GPBP1L1: variants seen among roughly 807,000 people sequenced by gnomAD.
GPBP1L1 encodes the protein GC-rich promoter binding protein 1 like 1.
In GPBP1L1, 23 loss-of-function variants were observed where a neutral mutation model predicts 52.5. That is an observed-to-expected ratio of 0.44 (90% confidence interval 0.32 to 0.62). GPBP1L1 has a LOEUF of 0.62. GPBP1L1 is among the 20% of genes least tolerant of loss of function. The pLI, the probability that GPBP1L1 is intolerant of heterozygous loss-of-function variation, is 0.06. For missense variants in GPBP1L1, 596 were observed against 579.3 expected (o/e 1.03, Z -0.30); for synonymous variants, 243 against 203.1 (o/e 1.20, Z -1.67).
At chr1:45,636,291 T>C (rs1339587237) in intron 8 of GPBP1L1, among the ~76,000 whole-genome samples, 1 of 152,234 alleles carries the variant, frequency 6.6e-6, no homozygotes, top group East Asian at 1.9e-4. Context: ...TCAATGGATG[T>C]AAGTATACTA....
rs565927029 is a variant in GPBP1L1, at chr1:45,629,956, T to C, written c.1170-278A>G. On this transcript the variant is annotated intron_variant, in intron 11 of 12. Transcript: ENST00000355105. ...GAAAGAGAGCACTTGCAGTCTGGCTTTTTTTTTTTTTTGGGATGGAGTCTC... is the reference window on the plus strand; with the variant it reads ...GAAAGAGAGCACTTGCAGTCTGGCTCTTTTTTTTTTTTGGGATGGAGTCTC... Among the ~76,000 whole-genome samples, 3 of 147,170 alleles carry C rather than the reference T, an allele frequency of 2.0e-5. No individual in the cohort carries two copies. In the South Asian group the frequency reaches 6.4e-4, roughly 31 times the overall value.
At chr1:45,630,686 C>G in intron 10 of GPBP1L1, 80 bp from the exon 11 acceptor site, 2 of 1,501,128 alleles carry the variant, frequency 1.3e-6, no homozygotes, top group Non-Finnish European at 1.8e-6. Flanking sequence ...ATCAAGGACT[C>G]ACGACCCAGG....
At chr1:45,629,093 C>G (rs1352580612) in intron 12 of GPBP1L1, among the ~76,000 whole-genome samples, 1 of 152,108 alleles carries the variant, frequency 6.6e-6, no homozygotes, top group East Asian at 1.9e-4. Flanking sequence ...TTATAGAAAC[C>G]CCATTTGTCT....
chr1:45,660,306 C>T lies in GPBP1L1; in HGVS notation c.-178G>A. On this transcript the variant is annotated 5_prime_UTR_variant, in exon 3 of 13. Transcript: ENST00000355105. ...GCCGGCAGCACGACTTATGATGAAG[C>T]ACGAAGAAGCCAGGTTCTGTGTCGA... is the stretch of plus-strand genomic sequence containing the variant. 11 of 985,344 alleles carry T rather than the reference C, an allele frequency of 1.1e-5. No individual in the cohort carries two copies. The highest frequency in any genetic ancestry group is 1.3e-5 in the Non-Finnish European group (11 of 829,930). 61.0% of individuals were successfully genotyped at this position (985,344 alleles called of 1,614,324 possible). A position where few individuals can be genotyped will look rare whatever the true frequency, so the allele number is the denominator to read the frequency against.
At chr1:45,670,019 T>A (rs1015542711) in intron 2 of GPBP1L1, among the ~76,000 whole-genome samples, 1 of 152,252 alleles carries the variant, frequency 6.6e-6, no homozygotes, top group Admixed American at 6.5e-5. Context: ...AGTGTATTAA[T>A]AAATGCTTTG....
intron 8 of GPBP1L1, among the ~76,000 whole-genome samples, chr1:45,637,206 A>G (rs571913578): frequency 1.3e-5 from 2 of 152,304 alleles, no homozygotes; most frequent in African/African-American, 4.8e-5. Flanking sequence ...TTGTGTCTCT[A>G]GTGACACAGT....
intron 1 of GPBP1L1, 61 bp from the exon 2 acceptor site, chr1:45,685,681 A>T (rs982054514): frequency 1.3e-5 from 2 of 152,254 alleles, no homozygotes; most frequent in Non-Finnish European, 2.9e-5. Context: ...AAGGACTAAA[A>T]TCTTTAAACG....
chr1:45,667,764 C>CT (rs2148496658), intron 2 of GPBP1L1, among the ~76,000 whole-genome samples: 1 of 152,318 alleles, frequency 6.6e-6, no homozygotes, highest in African/African-American at 2.4e-5. Context: ...CTCTCCAGTT[C>CT]TTTGAGACAG....
In GPBP1L1 at chr1:45,643,658, C is replaced by CTTTTTTTTTTTTTT. The variant is rs113388167; in HGVS notation, c.478-1173_478-1160dup. On this transcript the variant is annotated intron_variant, in intron 6 of 12. Transcript: ENST00000355105. ...ATCTGGTAACAGGGTAGGAGAATGG[C>CTTTTTTTTTTTTTT]TTTTTTTTTTTTTTTTTTTTTTTTT... Among the ~76,000 whole-genome samples, 5 of 65,112 alleles carry CTTTTTTTTTTTTTT rather than the reference C, an allele frequency of 7.7e-5. 1 individual carries two copies. The highest frequency in any genetic ancestry group is 3.2e-4 in the African/African-American group (5 of 15,624). 42.7% of individuals were successfully genotyped at this position (65,112 alleles called of 152,430 possible).
rs1156607402 is a variant in GPBP1L1, at chr1:45,655,332, A to G, written c.61-13T>C. On this transcript the variant is annotated splice_polypyrimidine_tract_variant and intron_variant, in intron 4 of 12. Transcript: ENST00000355105. ...TGGCAGTAGGTGACTAAGATGATGA[A>G]GTATGGAGAGGCAAATGGATAAATA... 1 of 1,613,738 alleles carries G rather than the reference A, an allele frequency of 6.2e-7. No homozygotes were observed. Among genetic ancestry groups the G allele is most frequent in the Non-Finnish European group, 8.5e-7 (1 of 1,179,708 alleles).
chr1:45,651,216 G>C (rs1644815508), intron 6 of GPBP1L1: 1 of 440,906 alleles, frequency 2.3e-6, no homozygotes, highest in Admixed American at 2.6e-5. Flanking sequence ...TAACCTGTGT[G>C]AAGGCAACCA....
Position 45,628,119 on chromosome 1 carries a change from TCTC to T in GPBP1L1, c.*134_*136del. The T allele has an allele frequency of 1.2e-6, 1 of 860,034 alleles. No individual in the cohort carries two copies. The highest frequency in any genetic ancestry group is 1.8e-6 in the Non-Finnish European group (1 of 551,230). 53.3% of individuals were successfully genotyped at this position (860,034 alleles called of 1,614,324 possible). A position where few individuals can be genotyped will look rare whatever the true frequency, so the allele number is the denominator to read the frequency against. On this transcript the variant is annotated 3_prime_UTR_variant, in exon 13 of 13. Coordinates refer to ENST00000355105, the MANE Select transcript of GPBP1L1 (RefSeq NM_021639.5). ...CAAAAGCAAAACAAGCCAATTGCTC[TCTC>T]TTTGGGATATGATTATTTCCCTTGT...
chr1:45,640,262 A>C lies in GPBP1L1; in HGVS notation c.692T>G (p.Val231Gly). 1 of 1,614,218 alleles carries C rather than the reference A, an allele frequency of 6.2e-7. No individual in the cohort carries two copies. Among genetic ancestry groups the C allele is most frequent in the Non-Finnish European group, 8.5e-7 (1 of 1,180,028 alleles). The change falls in exon 8 of 13, where the codon GTT (valine) becomes GGT (glycine). Residue 231 changes from valine (V) to glycine (G), a missense_variant. By Grantham distance (109) the Val-to-Gly change is moderately radical. Coordinates refer to ENST00000355105, the MANE Select transcript of GPBP1L1 (RefSeq NM_021639.5). ...AACCAGGTTCTTATAGACACTTGGA[A>C]CCACGGATGACAATTTGTTCCCATT... ...HANGNKLSSV[V>G]PSVYKNLVPK...
intron 4 of GPBP1L1, among the ~76,000 whole-genome samples, chr1:45,656,811 A>G (rs1450423605): frequency 1.3e-5 from 2 of 151,668 alleles, no homozygotes; most frequent in Non-Finnish European, 2.9e-5. Flanking sequence ...GATGACAGGT[A>G]TTCACCACCA....
At chr1:45,649,341 A>C (rs998014332) in intron 6 of GPBP1L1, among the ~76,000 whole-genome samples, 4 of 152,162 alleles carry the variant, frequency 2.6e-5, no homozygotes, top group Non-Finnish European at 5.9e-5. Flanking sequence ...TGTCCCACTG[A>C]TGTTTTAGCA....
At position 45,634,205 on chromosome 1, in the gene GPBP1L1, T is replaced by G; in HGVS notation, c.776A>C (p.His259Pro). The G allele has an allele frequency of 6.2e-7, 1 of 1,613,694 alleles. No individual in the cohort carries two copies. Among genetic ancestry groups the G allele is most frequent in the Non-Finnish European group, 8.5e-7 (1 of 1,179,730 alleles). The change falls in exon 9 of 13, where the codon CAC becomes CCC. Residue 259 changes from histidine (H) to proline (P), a missense_variant. Transcript: ENST00000355105. ...GCTAGAGGAAAGGGATCCTGACTTG[T>G]GCTCCATCCTGTTAGCTTTCCATGC... ...PNAWKANRMEHKSGSLSSSRE... is the reference protein window; with the variant it reads ...PNAWKANRMEPKSGSLSSSRE...
In GPBP1L1 at chr1:45,628,187, A is replaced by G; in HGVS notation, c.*69T>C. 7.1e-7 allele frequency: 1 copy of G among 1,407,864 alleles called. No homozygotes were observed. Among genetic ancestry groups the G allele is most frequent in the South Asian group, 1.2e-5 (1 of 82,658 alleles). The allele number at this position is 1,407,864 out of a possible 1,614,324, so 87.2% of individuals were successfully genotyped here. On this transcript the variant is annotated 3_prime_UTR_variant, in exon 13 of 13. Coordinates refer to ENST00000355105, the MANE Select transcript of GPBP1L1 (RefSeq NM_021639.5). Reference sequence around the variant, plus strand: ...ACAACATAAGAAAAGGAAAAGAACGATTTCTTTTGTATACTCCCTAAACAC... The same window carrying G: ...ACAACATAAGAAAAGGAAAAGAACGGTTTCTTTTGTATACTCCCTAAACAC...
chr1:45,642,295 C>T (rs1219410714), intron 7 of GPBP1L1, 132 bp downstream of exon 7: 6 of 675,524 alleles, frequency 8.9e-6, no homozygotes, highest in Non-Finnish European at 1.3e-5. Context: ...CCGCTACAGT[C>T]AGATGTTAGT....
intron 4 of GPBP1L1, chr1:45,658,813 C>T: frequency 1.9e-6 from 1 of 520,922 alleles, no homozygotes. Context: ...TGGTGGTACA[C>T]AGCCTGTAGG....
Sources: gnomAD v4.1 joint callset for allele counts (sites outside exome capture counted in the v4.1 genomes callset) on GRCh38, gnomAD v4.1.1 for gene constraint, MANE v1.5 for transcripts, NCBI Gene and HGNC (gene_info 2026-07-23, HGNC 2026-07-21) for gene names.